The following CCDC30 variants were observed in gnomAD, a reference collection of about 807,000 sequenced individuals.
CCDC30 encodes the protein coiled-coil domain-containing protein 30.
In CCDC30, 70 loss-of-function variants were observed where a neutral mutation model predicts 100.2. That is an observed-to-expected ratio of 0.70 (90% confidence interval 0.58 to 0.85). The LOEUF (loss-of-function observed/expected upper bound fraction) is 0.85, where lower values mean the gene tolerates loss of function less well. Among genes scored for constraint, CCDC30 ranks in the 40% least tolerant of loss-of-function variants. CCDC30 has a pLI of 0.00. For missense variants in CCDC30, 652 were observed against 771.2 expected, an observed-to-expected ratio of 0.85 and a Z score of 1.83; for synonymous variants, 233 against 269.5, an observed-to-expected ratio of 0.86 and a Z score of 1.33.
intron 11 of CCDC30, among the ~76,000 whole-genome samples, chr1:42,629,429 T>C (rs1046663614): frequency 6.6e-6 from 1 of 152,246 alleles, no homozygotes; most frequent in Non-Finnish European, 1.5e-5. Flanking sequence ...AATTTGTTTC[T>C]TTTCTCTTGC....
At chr1:42,475,996 A>G (rs1643877462) in intron 1 of CCDC30, among the ~76,000 whole-genome samples, 1 of 152,238 alleles carries the variant, frequency 6.6e-6, no homozygotes. Context: ...ATGAAGACCC[A>G]AAGAAGCACT....
intron 11 of CCDC30, among the ~76,000 whole-genome samples, chr1:42,628,268 T>C (rs1482744176): frequency 1.3e-5 from 2 of 152,204 alleles, no homozygotes; most frequent in African/African-American, 4.8e-5. Flanking sequence ...ATGCTGTAGT[T>C]ACCCAATACC....
At chr1:42,546,398 AAATATATATATATATATATAT>A (rs1380858475) in intron 6 of CCDC30, among the ~76,000 whole-genome samples, 18 of 22,774 alleles carry the variant, frequency 7.9e-4, no homozygotes, top group African/African-American at 2.0e-3. Context: ...AAAAAAAAAA[AAATATATATATATATATATAT>A]ATATATATAT....
intron 6 of CCDC30, among the ~76,000 whole-genome samples, chr1:42,549,438 C>T (rs1645206129): frequency 6.6e-6 from 1 of 152,068 alleles, no homozygotes; most frequent in Non-Finnish European, 1.5e-5. Context: ...AGAAGTACTA[C>T]TTTATCTGCT....
intron 13 of CCDC30, among the ~76,000 whole-genome samples, chr1:42,644,336 T>C (rs1647699947): frequency 6.6e-6 from 1 of 152,100 alleles, no homozygotes; most frequent in African/African-American, 2.4e-5. Flanking sequence ...CCTGTCTCTC[T>C]TTTTCACGTT....
At position 42,577,893 on chromosome 1, in the gene CCDC30, G is replaced by T. The variant is rs566786449; in HGVS notation, c.846+664G>T. Among the ~76,000 whole-genome samples the T allele has an allele frequency of 2.6e-5, 4 of 152,234 alleles. No homozygotes were observed. In the East Asian group the frequency reaches 7.7e-4, roughly 29 times the overall value. On this transcript the variant is annotated intron_variant, in intron 8 of 16. Transcript: ENST00000668663. ...CTGACCTCGTGATCCACCCGCCTCG[G>T]CCTCCCAAAGTGCTGGGATTACAGG...
chr1:42,655,867 CTTTTTTTTTTTTT>C (rs766715541), downstream of CCDC30, among the ~76,000 whole-genome samples: 1 of 87,314 alleles, frequency 1.1e-5, no homozygotes, highest in African/African-American at 4.4e-5. Flanking sequence ...GCTGTTTTTA[CTTTTTTTTTTTTT>C]TTTTTTTTTT....
chr1:42,613,393 C>T (rs1172632562), intron 11 of CCDC30, among the ~76,000 whole-genome samples: 1 of 152,072 alleles, frequency 6.6e-6, no homozygotes, highest in African/African-American at 2.4e-5. Context: ...TAGCTGGGAC[C>T]ACAGGCGCCC....
At chr1:42,608,789 GGAGGAATTACCATAA>G (rs1411658588) in intron 10 of CCDC30, among the ~76,000 whole-genome samples, 1 of 150,834 alleles carries the variant, frequency 6.6e-6, no homozygotes, top group African/African-American at 2.4e-5. Context: ...CACATCCAGA[GGAGGAATTACCATAA>G]GACAACTTGA....
chr1:42,626,317 A>T (rs1020508409), intron 11 of CCDC30, among the ~76,000 whole-genome samples: 1 of 152,070 alleles, frequency 6.6e-6, no homozygotes, highest in Admixed American at 6.5e-5. Context: ...CAGCCAGTCT[A>T]TGTCTTTTGA....
chr1:42,612,915 G>GA (rs912113622), intron 11 of CCDC30, among the ~76,000 whole-genome samples: 1 of 151,914 alleles, frequency 6.6e-6, no homozygotes, highest in Non-Finnish European at 1.5e-5. Context: ...AAACAGTGCT[G>GA]AAAAAAATCA....
the CCDC30 span, chr1:42,457,212 G>A: frequency 3.1e-6 from 5 of 1,612,962 alleles, no homozygotes; most frequent in Non-Finnish European, 4.2e-6. Context: ...ATCGTACCTC[G>A]CCGATTTGTT....
At chr1:42,627,105 C>T (rs1646947919) in intron 11 of CCDC30, among the ~76,000 whole-genome samples, 1 of 152,084 alleles carries the variant, frequency 6.6e-6, no homozygotes, top group African/African-American at 2.4e-5. Context: ...ACAAAAAATG[C>T]TGATAGTGAT....
At chr1:42,541,855 C>T (rs1280390222) in intron 6 of CCDC30, among the ~76,000 whole-genome samples, 1 of 152,196 alleles carries the variant, frequency 6.6e-6, no homozygotes, top group Non-Finnish European at 1.5e-5. Context: ...TACAGGCTGT[C>T]ATTTTTGTTT....
At chr1:42,644,016 G>T (rs1200024747) in intron 13 of CCDC30, among the ~76,000 whole-genome samples, 2 of 152,032 alleles carry the variant, frequency 1.3e-5, no homozygotes, top group Non-Finnish European at 2.9e-5. Context: ...TAATACTCTT[G>T]TACATGTATT....
chr1:42,614,082 CTTTT>C (rs140335668), intron 11 of CCDC30, among the ~76,000 whole-genome samples: 4 of 137,660 alleles, frequency 2.9e-5, no homozygotes, highest in South Asian at 2.4e-4. Context: ...CCCCAATATT[CTTTT>C]TTTTTTTTTT....
At chr1:42,588,418 G>C (rs566099753) in intron 9 of CCDC30, among the ~76,000 whole-genome samples, 1 of 152,164 alleles carries the variant, frequency 6.6e-6, no homozygotes, top group Non-Finnish European at 1.5e-5. Context: ...GGAAAATCAA[G>C]TGTGATGACC....
intron 6 of CCDC30, chr1:42,539,247 CA>C: frequency 1.2e-6 from 2 of 1,609,946 alleles, no homozygotes; most frequent in Non-Finnish European, 1.7e-6. Flanking sequence ...AATCAGAAAG[CA>C]AAGACCATTT....
At chr1:42,484,822 AT>A (rs1216135004) in intron 3 of CCDC30, among the ~76,000 whole-genome samples, 1 of 152,078 alleles carries the variant, frequency 6.6e-6, no homozygotes, top group Non-Finnish European at 1.5e-5. Context: ...TTCAGTGATA[AT>A]TTTTTCAAGA....
Sources: allele counts gnomAD v4.1 joint callset (sites outside exome capture counted in the v4.1 genomes callset), GRCh38; gene constraint gnomAD v4.1.1; transcripts MANE v1.5; gene names NCBI Gene and HGNC (gene_info 2026-07-23, HGNC 2026-07-21).